Variants in PHF20L1 observed in about 807,000 individuals in gnomAD.
The protein encoded by PHF20L1 is PHD finger protein 20-like protein 1.
PHF20L1 carries 44 observed loss-of-function variants against 125.5 expected under a neutral mutation model. That is an observed-to-expected ratio of 0.35 (90% CI 0.28 to 0.45). The LOEUF (loss-of-function observed/expected upper bound fraction) is 0.45. Among genes scored for constraint, PHF20L1 ranks in the 20% least tolerant of loss-of-function variants. The pLI is 1.00. For missense variants in PHF20L1, 1,012 were observed against 1,217.2 expected (o/e 0.83, Z 2.51); for synonymous variants, 380 against 403.1 (o/e 0.94, Z 0.69).
intron 12 of PHF20L1, chr8:132,818,599 AT>A (rs1296157295): frequency 6.6e-6 from 1 of 151,962 alleles, no homozygotes; most frequent in African/African-American, 2.4e-5. Flanking sequence ...GTTTAAAAAA[AT>A]AAAACAATAC....
At chr8:132,784,425 T>A (rs1830777224) in intron 2 of PHF20L1, among the ~76,000 whole-genome samples, 1 of 152,156 alleles carries the variant, frequency 6.6e-6, no homozygotes, top group Non-Finnish European at 1.5e-5. Context: ...AGTCTTACAG[T>A]TTAGATGATC....
At chr8:132,840,269 C>A (rs989594882) in intron 18 of PHF20L1, among the ~76,000 whole-genome samples, 1 of 152,120 alleles carries the variant, frequency 6.6e-6, no homozygotes, top group Non-Finnish European at 1.5e-5. Context: ...CCCATCCTCT[C>A]CTTCCCTTCC....
At chr8:132,822,075 A>T (rs1835666102) in intron 12 of PHF20L1, among the ~76,000 whole-genome samples, 1 of 151,962 alleles carries the variant, frequency 6.6e-6, no homozygotes. Flanking sequence ...TTATTTTAAT[A>T]TCCTTACTTG....
chr8:132,832,697 A>T (rs1483051194), intron 15 of PHF20L1, among the ~76,000 whole-genome samples: 1 of 152,106 alleles, frequency 6.6e-6, no homozygotes, highest in Non-Finnish European at 1.5e-5. Flanking sequence ...TATTATTCAC[A>T]TTTGATATAT....
At chr8:132,843,134 T>A in intron 19 of PHF20L1, 1 of 1,133,860 alleles carries the variant, frequency 8.8e-7, no homozygotes, top group African/African-American at 1.6e-5. Flanking sequence ...TAAGTACATT[T>A]CGATGCTTCT....
Position 132,836,693 on chromosome 8 carries a change from T to C in PHF20L1, c.2063T>C (p.Met688Thr). 1.2e-6 allele frequency: 2 copies of C among 1,612,934 alleles called. No individual in the cohort carries two copies. Among genetic ancestry groups the C allele is most frequent in the Non-Finnish European group, 1.7e-6 (2 of 1,179,256 alleles). Residue 688 changes from methionine (M) to threonine (T), a missense_variant, in exon 16 of 21, where the codon ATG (methionine) becomes ACG (threonine). Met to Thr is a moderately conservative substitution (Grantham distance 81, BLOSUM62 -1). Around this residue, in one of 7 missense-constraint regions of PHF20L1, gnomAD observed 320 missense variants for 293.8 expected, o/e 1.09. Transcript: ENST00000395386. Reference protein sequence around the residue: ...LNEIVRCICEMDEENGFMIQC... With the variant: ...LNEIVRCICETDEENGFMIQC... ...GAAATTGTGCGATGTATTTGTGAGA[T>C]GGATGAGGAGAATGGCTTCATGATC... is the stretch of plus-strand genomic sequence containing the variant.
At chr8:132,817,110 TAAAAG>T (rs746692924) in intron 11 of PHF20L1, 34 bp downstream of exon 11, 10 of 1,281,288 alleles carry the variant, frequency 7.8e-6, no homozygotes, top group Admixed American at 2.5e-5. Flanking sequence ...GAACCAAACA[TAAAAG>T]AAGATAAAGA....
intron 1 of PHF20L1, among the ~76,000 whole-genome samples, chr8:132,776,486 A>G (rs1192045262): frequency 6.6e-6 from 1 of 152,140 alleles, no homozygotes; most frequent in African/African-American, 2.4e-5. Flanking sequence ...CACCAGCTAC[A>G]CCCTGGGCAA....
chr8:132,827,693 C>T (rs1836339783), intron 14 of PHF20L1, among the ~76,000 whole-genome samples: 1 of 151,916 alleles, frequency 6.6e-6, no homozygotes, highest in Non-Finnish European at 1.5e-5. Context: ...CCAAAAAAAC[C>T]TCACCTTAGA....
In PHF20L1 at chr8:132,842,786, G is replaced by A. The variant is rs1303577364; in HGVS notation, c.2659G>A (p.Val887Ile). The A allele has an allele frequency of 5.0e-6, 8 of 1,613,214 alleles. No individual in the cohort carries two copies. The highest frequency in any genetic ancestry group is 1.1e-5 in the South Asian group (1 of 91,046). The change falls in exon 19 of 21, where the codon GTT (valine) becomes ATT (isoleucine). Residue 887 changes from valine (V) to isoleucine (I), a missense_variant. Val to Ile is a conservative substitution (Grantham distance 29). This residue lies in a region of PHF20L1 where 277 missense variants were observed against 283.6 expected (regional missense o/e 0.98). Transcript: ENST00000395386. ...CCCTGGGAGCTCAGATGATGATGAT[G>A]TTAGTAGTTTGGAAGAAGAACAAGA... ...ADPGSSDDDD[V>I]SSLEEEQEFH...
Position 132,848,233 on chromosome 8 carries a change from T to C in PHF20L1, c.*2310T>C, listed in dbSNP as rs970526272. ...ATTAATGAAATTTTTGCTCTGCTTA[T>C]ATGTATACGAACTGGAAATCTGAAT... On this transcript the variant is annotated 3_prime_UTR_variant, in exon 21 of 21. Transcript: ENST00000395386. The C allele has an allele frequency of 1.3e-5, 2 of 152,194 alleles. No individual in the cohort carries two copies. The highest frequency in any genetic ancestry group is 6.6e-5 in the Admixed American group (1 of 15,266). The allele number at this position is 152,194 out of a possible 1,614,324, so 9.4% of individuals were successfully genotyped here.
chr8:132,803,715 T>TA (rs1332923783), intron 6 of PHF20L1, 104 bp from the exon 7 acceptor site: 2 of 644,234 alleles, frequency 3.1e-6, no homozygotes, highest in Admixed American at 2.8e-5. Context: ...TTTATGTAGT[T>TA]ACCTGTGAAA....
intron 6 of PHF20L1, among the ~76,000 whole-genome samples, chr8:132,801,483 T>A (rs958446289): frequency 1.3e-5 from 2 of 151,786 alleles, no homozygotes; most frequent in Non-Finnish European, 3.0e-5. Context: ...TGCAATATTC[T>A]ATTATGTTAT....
rs1254525355 is a variant in PHF20L1 at position 132,825,329 on chromosome 8, CAGA to C, written c.1713_1715del (p.Lys577del). The C allele has an allele frequency of 1.1e-5, 16 of 1,495,302 alleles. No homozygotes were observed. The highest frequency in any genetic ancestry group is 5.7e-5 in the African/African-American group (4 of 70,638). The allele number at this position is 1,495,302 out of a possible 1,614,324, so 92.6% of individuals were successfully genotyped here. On this transcript the variant is annotated inframe_deletion, in exon 14 of 21. Transcript: ENST00000395386. ...AGACAAAGATCACTACAGACCAAAA[CAGA>C]AGAAGAAGAAAAAAAAGAAAAAGAA...
At chr8:132,822,020 A>G (rs900749482) in intron 12 of PHF20L1, among the ~76,000 whole-genome samples, 2 of 151,714 alleles carry the variant, frequency 1.3e-5, no homozygotes, top group African/African-American at 4.8e-5. Flanking sequence ...TTGTTTTCCT[A>G]TTTGTGTGTA....
rs544079849 is a variant in PHF20L1, at chr8:132,792,106, A to T, written c.84-2304A>T. Among the ~76,000 whole-genome samples, 18 of 152,324 alleles carry T rather than the reference A, an allele frequency of 1.2e-4. 2 individuals carry two copies. The South Asian group carries it at 3.7e-3, about 32-fold the overall frequency. Reference sequence around the variant, plus strand: ...GTTGTATAGATTTAGAATATGAGGGAACCTAAAGAATAAACTCCTTATTTT... The same window carrying T: ...GTTGTATAGATTTAGAATATGAGGGTACCTAAAGAATAAACTCCTTATTTT... On this transcript the variant is annotated intron_variant, in intron 2 of 20. Coordinates refer to ENST00000395386, the MANE Select transcript of PHF20L1 (RefSeq NM_016018.5).
chr8:132,817,916 T>C, intron 12 of PHF20L1: 1 of 159,550 alleles, frequency 6.3e-6, no homozygotes, highest in Non-Finnish European at 1.4e-5. Context: ...GTTTAAGGAT[T>C]TTGATAGAAT....
intron 18 of PHF20L1, among the ~76,000 whole-genome samples, chr8:132,841,261 G>GGATTAATCATAAGACTGAAATGAGGATC (rs1837904057): frequency 6.6e-6 from 1 of 152,002 alleles, no homozygotes; most frequent in Non-Finnish European, 1.5e-5. Context: ...CTTATCATAA[G>GGATTAATCATAAGACTGAAATGAGGATC]CTACCTCATT....
Position 132,848,378 on chromosome 8 carries a change from T to A in PHF20L1, c.*2455T>A, listed in dbSNP as rs1179954812. The A allele has an allele frequency of 6.6e-6, 1 of 152,484 alleles. No individual in the cohort carries two copies. The highest frequency in any genetic ancestry group is 1.5e-5 in the Non-Finnish European group (1 of 67,954). The allele number at this position is 152,484 out of a possible 1,614,324, so 9.4% of individuals were successfully genotyped here. ...GCTGAGCTTTTCTTATTGAAGAGAG[T>A]GAATTAGTTTCTGAGAAGTCAGTCT... On this transcript the variant is annotated 3_prime_UTR_variant, in exon 21 of 21. Coordinates refer to ENST00000395386, the MANE Select transcript of PHF20L1 (RefSeq NM_016018.5).
Sources: gnomAD v4.1 joint callset for allele counts (sites outside exome capture counted in the v4.1 genomes callset) on GRCh38, gnomAD v4.1.1 for gene constraint, gnomAD v4.1.1 regional missense constraint, MANE v1.5 for transcripts, NCBI Gene and HGNC (gene_info 2026-07-23, HGNC 2026-07-21) for gene names.